KCNIP4: variants seen among roughly 807,000 people sequenced by gnomAD.
KCNIP4 encodes Kv channel-interacting protein 4.
Under a neutral mutation model 34.0 loss-of-function variants are expected in KCNIP4, and 12 were observed. The observed-to-expected ratio is 0.35, with a 90% confidence interval of 0.23 to 0.57. The LOEUF (loss-of-function observed/expected upper bound fraction) is 0.57. Among genes scored for constraint, KCNIP4 ranks in the 20% least tolerant of loss-of-function variants. The pLI is 0.83. For missense variants in KCNIP4, 238 were observed against 311.7 expected (o/e 0.76, Z 1.78); for synonymous variants, 124 against 102.2 (o/e 1.21, Z -1.29).
chr4:21,087,145 A>G lies in KCNIP4; in HGVS notation c.62-204436T>C, dbSNP rs1485071231. Among the ~76,000 whole-genome samples the G allele has an allele frequency of 6.9e-3, 482 of 70,288 alleles. 1 individual carries two copies. The highest frequency in any genetic ancestry group is 0.022 in the African/African-American group (452 of 20,398). The allele number at this position is 70,288 out of a possible 152,430, so 46.1% of individuals were successfully genotyped here. On this transcript the variant is annotated intron_variant, in intron 1 of 8. Coordinates refer to ENST00000382152, the MANE Select transcript of KCNIP4 (RefSeq NM_025221.6). Reference sequence around the variant, plus strand: ...CAGGCATGCACCACCACTGCTGGGTAATGTGTGTGTGTGTGTGTGTGTGTG... The same window carrying G: ...CAGGCATGCACCACCACTGCTGGGTGATGTGTGTGTGTGTGTGTGTGTGTG...
chr4:21,689,491 C>G (rs1436001637), intron 1 of KCNIP4, among the ~76,000 whole-genome samples: 1 of 152,074 alleles, frequency 6.6e-6, no homozygotes, highest in African/African-American at 2.4e-5. Context: ...GCTGGAATTC[C>G]AACACAGCTC....
intron 1 of KCNIP4, among the ~76,000 whole-genome samples, chr4:21,873,721 C>T (rs1270598455): frequency 6.6e-6 from 1 of 152,188 alleles, no homozygotes; most frequent in Non-Finnish European, 1.5e-5. Context: ...TAATTGAAAG[C>T]ATCCCGGTTA....
At chr4:21,443,248 C>A (rs908703901) in intron 1 of KCNIP4, among the ~76,000 whole-genome samples, 4 of 152,182 alleles carry the variant, frequency 2.6e-5, no homozygotes, top group Non-Finnish European at 5.9e-5. Context: ...ACTAGCTTCT[C>A]ATCATTCTCA....
chr4:21,276,474 G>GGA (rs1762448488), intron 1 of KCNIP4, among the ~76,000 whole-genome samples: 1 of 151,696 alleles, frequency 6.6e-6, no homozygotes, highest in Non-Finnish European at 1.5e-5. Context: ...CAAAGTGCTG[G>GGA]GATCACAGGC....
rs76087090 is a variant in KCNIP4, at chr4:20,898,605, A to C, written c.62-15896T>G. On this transcript the variant is annotated intron_variant, in intron 1 of 8. Coordinates refer to ENST00000382152, the MANE Select transcript of KCNIP4 (RefSeq NM_025221.6). ...GCCTGCCTCTCTCCACCAGATAGTA[A>C]ATTCCTTGAGGGCAGAGGTTTTTGT... Among the ~76,000 whole-genome samples, 982 of 152,292 alleles carry C rather than the reference A, an allele frequency of 6.4e-3. 9 individuals carry two copies. The highest frequency in any genetic ancestry group is 0.022 in the African/African-American group (933 of 41,560).
At chr4:21,276,413 G>A (rs1235882932) in intron 1 of KCNIP4, among the ~76,000 whole-genome samples, 1 of 148,670 alleles carries the variant, frequency 6.7e-6, no homozygotes, top group South Asian at 2.1e-4. Context: ...TGTTGGCCAG[G>A]CTGGTCTCGA....
At chr4:20,929,876 CATATAA>C (rs1443881809) in intron 1 of KCNIP4, among the ~76,000 whole-genome samples, 2 of 151,880 alleles carry the variant, frequency 1.3e-5, no homozygotes, top group African/African-American at 4.8e-5. Context: ...GAAGAAGACA[CATATAA>C]ATAGAATAAT....
rs148026497 is a variant in KCNIP4, at chr4:21,188,314, C to T, written c.62-305605G>A. ...GCAGCAATCTCTTGACTAGCCATAT[C>T]CTGCTTTTTACTCACTTAAACCTCT... On this transcript the variant is annotated intron_variant, in intron 1 of 8. Transcript: ENST00000382152. Among the ~76,000 whole-genome samples, 882 of 152,200 alleles carry T rather than the reference C, an allele frequency of 5.8e-3. 11 individuals are homozygous for T. Among genetic ancestry groups the T allele is most frequent in the African/African-American group, 0.02 (836 of 41,526 alleles).
At chr4:21,178,811 CA>C (rs1754628457) in intron 1 of KCNIP4, among the ~76,000 whole-genome samples, 1 of 144,386 alleles carries the variant, frequency 6.9e-6, no homozygotes, top group African/African-American at 2.7e-5. Flanking sequence ...CTTCTAACAC[CA>C]AACTTTTTTT....
chr4:20,813,376 G>A (rs1406519771), intron 3 of KCNIP4, among the ~76,000 whole-genome samples: 4 of 152,138 alleles, frequency 2.6e-5, no homozygotes, highest in Admixed American at 1.3e-4. Context: ...AAGGCACAAA[G>A]GTGTCATTGA....
At chr4:20,731,021 A>G (rs1346801413) in intron 8 of KCNIP4, among the ~76,000 whole-genome samples, 1 of 152,212 alleles carries the variant, frequency 6.6e-6, no homozygotes, top group African/African-American at 2.4e-5. Context: ...TTTAAAAATA[A>G]AGAGAAAAAC....
Position 21,749,819 on chromosome 4 carries a change from T to C in KCNIP4, c.61+198752A>G, listed in dbSNP as rs149537432. Among the ~76,000 whole-genome samples the C allele has an allele frequency of 3.3e-3, 504 of 152,272 alleles. 1 individual carries two copies. Among genetic ancestry groups the C allele is most frequent in the Middle Eastern group, 6.8e-3 (2 of 294 alleles). On this transcript the variant is annotated intron_variant, in intron 1 of 8. Coordinates refer to ENST00000382152, the MANE Select transcript of KCNIP4 (RefSeq NM_025221.6). ...GGAGATCCTTGCCTAAACACCCTCA[T>C]GCTGAGTTCCTTGCTCTTCTCTTTG... is the stretch of plus-strand genomic sequence containing the variant.
chr4:21,198,025 G>A (rs1398636457), intron 1 of KCNIP4, among the ~76,000 whole-genome samples: 1 of 152,112 alleles, frequency 6.6e-6, no homozygotes, highest in Admixed American at 6.6e-5. Flanking sequence ...GTGTTAACAA[G>A]GATATATGGG....
At chr4:20,860,995 C>T (rs1053001560) in intron 2 of KCNIP4, among the ~76,000 whole-genome samples, 1 of 152,162 alleles carries the variant, frequency 6.6e-6, no homozygotes, top group Admixed American at 6.5e-5. Context: ...TGACAACATA[C>T]TCACCATTCC....
chr4:21,447,739 A>G (rs1728154044), intron 1 of KCNIP4, among the ~76,000 whole-genome samples: 1 of 152,162 alleles, frequency 6.6e-6, no homozygotes, highest in Non-Finnish European at 1.5e-5. Context: ...CTTTCTCAAA[A>G]TATCTTATTA....
intron 3 of KCNIP4, among the ~76,000 whole-genome samples, chr4:20,829,168 C>A (rs1043785383): frequency 1.3e-5 from 2 of 152,022 alleles, no homozygotes; most frequent in African/African-American, 4.8e-5. Flanking sequence ...AAGGTCCAGT[C>A]TTCTCCAGTG....
At chr4:21,120,199 A>G (rs1750034233) in intron 1 of KCNIP4, among the ~76,000 whole-genome samples, 1 of 132,428 alleles carries the variant, frequency 7.6e-6, no homozygotes, top group Non-Finnish European at 1.6e-5. Flanking sequence ...TTACGAAGAA[A>G]CAAAAACAAA....
intron 2 of KCNIP4, among the ~76,000 whole-genome samples, chr4:20,881,922 C>T (rs892073214): frequency 2.0e-5 from 3 of 152,168 alleles, no homozygotes; most frequent in Non-Finnish European, 2.9e-5. Context: ...CCTGAACTTC[C>T]AGCTGCCAGC....
intron 1 of KCNIP4, among the ~76,000 whole-genome samples, chr4:21,727,280 T>C (rs1033778154): frequency 3.5e-4 from 54 of 152,242 alleles, no homozygotes; most frequent in African/African-American, 1.3e-3. Flanking sequence ...CCTTCTACCA[T>C]GTGAGGACAT....
Sources: gnomAD v4.1 joint callset for allele counts (sites outside exome capture counted in the v4.1 genomes callset) on GRCh38, gnomAD v4.1.1 for gene constraint, MANE v1.5 for transcripts, NCBI Gene and HGNC (gene_info 2026-07-23, HGNC 2026-07-21) for gene names.